The following LARGE1 variants were observed in gnomAD, a reference collection of about 807,000 sequenced individuals.
LARGE1 encodes xylosyl- and glucuronyltransferase LARGE1.
A neutral mutation model predicts 87.6 loss-of-function variants in LARGE1; 43 were observed. The ratio of observed to expected loss-of-function variants is 0.49; its 90% CI spans 0.38 to 0.63. The LOEUF (loss-of-function observed/expected upper bound fraction) is 0.63, where lower values mean the gene tolerates loss of function less well. LARGE1 is among the 30% of genes least tolerant of loss of function. The probability of loss-of-function intolerance (pLI) is 0.00; values close to 1 mark genes in which losing one functional copy is unlikely to be tolerated. For synonymous variants in LARGE1, 434 were observed against 394.6 expected, an observed-to-expected ratio of 1.10 and a Z score of -1.18; for missense variants, 802 against 1,000.2, an observed-to-expected ratio of 0.80 and a Z score of 2.67.
At chr22:33,173,675 AG>A (rs202068888) in intron 11 of LARGE1, among the ~76,000 whole-genome samples, 1,914 of 151,260 alleles carry the variant, frequency 0.013, 16 homozygotes, top group Admixed American at 0.018. Flanking sequence ...AAAAAAAAAA[AG>A]CAGGGGTTGC....
At chr22:33,716,411 C>CTGT (rs923182341) in intron 2 of LARGE1, among the ~76,000 whole-genome samples, 308 of 152,148 alleles carry the variant, frequency 2.0e-3, no homozygotes, top group African/African-American at 7.0e-3. Context: ...GTTGTTGTTG[C>CTGT]TGTTGTTTTG....
intron 6 of LARGE1, among the ~76,000 whole-genome samples, chr22:33,486,109 T>C (rs895216357): frequency 2.6e-5 from 4 of 152,234 alleles, no homozygotes; most frequent in African/African-American, 9.6e-5. Context: ...AGGAAAGATA[T>C]TCTGAGACTT....
chr22:33,421,686 A>G (rs773426469), intron 7 of LARGE1, among the ~76,000 whole-genome samples: 4 of 152,218 alleles, frequency 2.6e-5, no homozygotes, highest in Non-Finnish European at 4.4e-5. Context: ...TTTCTATGGT[A>G]CTTACTATAA....
intron 1 of LARGE1, among the ~76,000 whole-genome samples, chr22:33,856,389 AGAG>A: frequency 6.6e-6 from 1 of 152,152 alleles, no homozygotes; most frequent in Non-Finnish European, 1.5e-5. Context: ...GTCCATACGA[AGAG>A]GCTGAAATGA....
At chr22:33,417,978 C>T (rs1021897217) in intron 7 of LARGE1, among the ~76,000 whole-genome samples, 23 of 152,182 alleles carry the variant, frequency 1.5e-4, no homozygotes, top group African/African-American at 4.6e-4. Flanking sequence ...GACAGAGTCT[C>T]GCTCTGTCGC....
intron 6 of LARGE1, among the ~76,000 whole-genome samples, chr22:33,446,290 G>A (rs1317562202): frequency 6.6e-6 from 1 of 152,178 alleles, no homozygotes; most frequent in African/African-American, 2.4e-5. Flanking sequence ...TTCCTGGGCT[G>A]TATCCTTTAT....
At chr22:33,379,262 CTTTT>C (rs71320972) in intron 9 of LARGE1, among the ~76,000 whole-genome samples, 4 of 130,674 alleles carry the variant, frequency 3.1e-5, no homozygotes, top group Non-Finnish European at 6.6e-5. Flanking sequence ...TGATTTCTTT[CTTTT>C]TTTTTTTTTT....
the LARGE1 span, among the ~76,000 whole-genome samples, chr22:33,119,909 T>C: frequency 6.6e-6 from 1 of 152,160 alleles, no homozygotes; most frequent in African/African-American, 2.4e-5. Flanking sequence ...AGGTGTCTCC[T>C]TTTGATGTCC....
intron 4 of LARGE1, among the ~76,000 whole-genome samples, chr22:33,625,664 G>T (rs2079897724): frequency 6.6e-6 from 1 of 152,186 alleles, no homozygotes; most frequent in African/African-American, 2.4e-5. Context: ...ATCTTTTGAG[G>T]CCGCTCTCTT....
intron 3 of LARGE1, among the ~76,000 whole-genome samples, chr22:33,633,823 GA>G (rs1569328562): frequency 6.6e-6 from 1 of 152,226 alleles, no homozygotes; most frequent in Non-Finnish European, 1.5e-5. Context: ...CAGATGCTCT[GA>G]CAGCTGCGGA....
intron 3 of LARGE1, among the ~76,000 whole-genome samples, chr22:33,628,959 C>A (rs983843013): frequency 2.6e-5 from 4 of 152,126 alleles, no homozygotes; most frequent in Non-Finnish European, 4.4e-5. Flanking sequence ...ACCTGTCCTG[C>A]CCCAAAGGTC....
At chr22:33,776,717 T>C (rs1475871130) in intron 1 of LARGE1, among the ~76,000 whole-genome samples, 6 of 152,246 alleles carry the variant, frequency 3.9e-5, no homozygotes, top group Admixed American at 3.9e-4. Context: ...CACTCTGGCA[T>C]CCCTTAGTGT....
intron 11 of LARGE1, among the ~76,000 whole-genome samples, chr22:33,226,737 T>TTA (rs1925756447): frequency 1.2e-4 from 2 of 16,450 alleles, no homozygotes; most frequent in African/African-American, 1.6e-3. Context: ...TTTATTATTA[T>TTA]TTTTTTTTTT....
At chr22:33,561,921 G>C (rs566841066) in intron 6 of LARGE1, among the ~76,000 whole-genome samples, 1 of 152,164 alleles carries the variant, frequency 6.6e-6, no homozygotes, top group Non-Finnish European at 1.5e-5. Flanking sequence ...TAGGAACAAG[G>C]GGCTTTCACA....
At chr22:33,394,591 A>C (rs12330095) in intron 7 of LARGE1, among the ~76,000 whole-genome samples, 1 of 152,166 alleles carries the variant, frequency 6.6e-6, no homozygotes, top group Non-Finnish European at 1.5e-5. Flanking sequence ...AATTACCTCC[A>C]TTTTACAGAT....
At chr22:33,301,433 G>C (rs1934125938) in intron 12 of LARGE1, among the ~76,000 whole-genome samples, 1 of 151,784 alleles carries the variant, frequency 6.6e-6, no homozygotes, top group African/African-American at 2.4e-5. Flanking sequence ...TGATTTTTTT[G>C]CTCCAAATCA....
At chr22:33,279,571 G>A (rs1373151164) in intron 13 of LARGE1, among the ~76,000 whole-genome samples, 1 of 152,204 alleles carries the variant, frequency 6.6e-6, no homozygotes, top group Non-Finnish European at 1.5e-5. Flanking sequence ...AAGTTGTGCT[G>A]TTGGGTGAGA....
intron 2 of LARGE1, among the ~76,000 whole-genome samples, chr22:33,751,076 A>C (rs781266254): frequency 2.2e-4 from 33 of 152,374 alleles, no homozygotes; most frequent in Non-Finnish European, 4.4e-4. Context: ...AGATTTGCAT[A>C]GTTTTTTGAA....
intron 7 of LARGE1, among the ~76,000 whole-genome samples, chr22:33,406,632 A>T (rs1193161926): frequency 1.3e-5 from 2 of 151,982 alleles, no homozygotes; most frequent in African/African-American, 4.8e-5. Context: ...CATTATCCGC[A>T]TTTTCAGGTG....
Sources: allele counts gnomAD v4.1 joint callset (sites outside exome capture counted in the v4.1 genomes callset), GRCh38; gene constraint gnomAD v4.1.1; transcripts MANE v1.5; gene names NCBI Gene and HGNC (gene_info 2026-07-23, HGNC 2026-07-21).